Variants in RHEB observed in about 807,000 individuals in gnomAD.
The protein encoded by RHEB is Ras homolog, mTORC1 binding.
A neutral mutation model predicts 28.8 loss-of-function variants in RHEB; 2 were observed. That is an observed-to-expected ratio of 0.07 (90% CI 0.03 to 0.22). RHEB has a LOEUF of 0.22. Among genes scored for constraint, RHEB ranks in the 10% least tolerant of loss-of-function variants. RHEB has a pLI of 1.00. For synonymous variants in RHEB, 69 were observed against 77.3 expected (o/e 0.89, Z 0.56); for missense variants, 76 against 219.9 (o/e 0.35, Z 4.14).
chr7:151,511,103 T>A (rs1277693095), intron 1 of RHEB, among the ~76,000 whole-genome samples: 5 of 150,344 alleles, frequency 3.3e-5, no homozygotes, highest in Non-Finnish European at 7.4e-5. Context: ...AAAAAAAAAA[T>A]AAAGCTAGCA....
chr7:151,491,119 T>TG (rs2150929368), intron 1 of RHEB, 105 bp from the exon 2 acceptor site: 1 of 699,448 alleles, frequency 1.4e-6, no homozygotes, highest in East Asian at 2.7e-5. Context: ...ACACTGAAGG[T>TG]ATCAGGGTCA....
rs1260614154 is a variant in RHEB, at chr7:151,484,905, G to A, written c.125-101C>T. The A allele has an allele frequency of 9.8e-6, 7 of 717,730 alleles. No homozygotes were observed. In the East Asian group the frequency reaches 1.9e-4, roughly 20 times the overall value. The allele number at this position is 717,730 out of a possible 1,614,324, so 44.5% of individuals were successfully genotyped here. ...CCAATCAAGCACAGAGTCCCTAGCA[G>A]TCTCAGAGAAAGGCCCCATGAAACA... is the stretch of plus-strand genomic sequence containing the variant. On this transcript the variant is annotated intron_variant, in intron 2 of 7. Coordinates refer to ENST00000262187, the MANE Select transcript of RHEB (RefSeq NM_005614.4).
At chr7:151,473,220 T>G (rs1468743786) in intron 4 of RHEB, among the ~76,000 whole-genome samples, 1 of 152,174 alleles carries the variant, frequency 6.6e-6, no homozygotes, top group South Asian at 2.1e-4. Context: ...GGCTCTCTTG[T>G]GCACCTGCCC....
intron 3 of RHEB, among the ~76,000 whole-genome samples, chr7:151,483,534 T>A (rs1802414518): frequency 6.6e-6 from 1 of 152,054 alleles, no homozygotes; most frequent in African/African-American, 2.4e-5. Context: ...GCCAGGCCAA[T>A]ATGGCGAAAC....
Position 151,477,423 on chromosome 7 carries a change from G to A in RHEB, c.193-8C>T, listed in dbSNP as rs780659298. The A allele has an allele frequency of 3.3e-5, 50 of 1,507,712 alleles. No individual in the cohort carries two copies. Among genetic ancestry groups the A allele is most frequent in the Non-Finnish European group, 4.0e-5 (44 of 1,105,156 alleles). 93.4% of individuals were successfully genotyped at this position (1,507,712 alleles called of 1,614,324 possible). ...AAAGATAGAATATTCATCCTGTGGG[G>A]AAAAAAAATTATCTTTGAGTAGTCT... On this transcript the variant is annotated splice_polypyrimidine_tract_variant and splice_region_variant and intron_variant, in intron 3 of 7. Transcript: ENST00000262187.
At chr7:151,514,277 G>A (rs937551717) in intron 1 of RHEB, among the ~76,000 whole-genome samples, 2 of 152,112 alleles carry the variant, frequency 1.3e-5, no homozygotes, top group Non-Finnish European at 2.9e-5. Flanking sequence ...ATATCTAGAA[G>A]AAAATATAGT....
Position 151,471,614 on chromosome 7 carries a change from CA to C in RHEB, c.276-10del. On this transcript the variant is annotated splice_polypyrimidine_tract_variant and intron_variant, in intron 4 of 7. Transcript: ENST00000262187. ...CTTTAATCACTTCAAAACTATAAAA[CA>C]AAAAGTATAAATTAGACATCCATTT... 1 of 1,558,960 alleles carries C rather than the reference CA, an allele frequency of 6.4e-7. No homozygotes were observed. The highest frequency in any genetic ancestry group is 1.2e-5 in the South Asian group (1 of 85,410).
At chr7:151,504,791 G>A (rs560892353) in intron 1 of RHEB, among the ~76,000 whole-genome samples, 1 of 151,962 alleles carries the variant, frequency 6.6e-6, no homozygotes, top group Non-Finnish European at 1.5e-5. Flanking sequence ...GCGCTTTTTG[G>A]GTTGATGGAT....
intron 1 of RHEB, among the ~76,000 whole-genome samples, chr7:151,494,759 C>T (rs1802646006): frequency 6.6e-6 from 1 of 152,134 alleles, no homozygotes; most frequent in Non-Finnish European, 1.5e-5. Context: ...TCTCTCCTCC[C>T]TGGGGCTCTC....
rs1370429431 is a variant in RHEB, at chr7:151,512,311, G to T, written c.52+7149C>A. Among the ~76,000 whole-genome samples, 3 of 152,160 alleles carry T rather than the reference G, an allele frequency of 2.0e-5. No homozygotes were observed. The East Asian group carries it at 5.8e-4, about 29-fold the overall frequency. On this transcript the variant is annotated intron_variant, in intron 1 of 7. Transcript: ENST00000262187. ...TGACCTTCCACAATCACAGGTAGAG[G>T]TGGCAGTGTCTCATTCTGTGATAAA...
In RHEB at chr7:151,517,528, T is replaced by G. The variant is rs1319435428; in HGVS notation, c.52+1932A>C. Among the ~76,000 whole-genome samples, 4 of 152,028 alleles carry G rather than the reference T, an allele frequency of 2.6e-5. No individual in the cohort carries two copies. In the East Asian group the frequency reaches 5.8e-4, roughly 22 times the overall value. ...AGAAAATAGGGACTAAAAGTGACCC[T>G]GTATCCCACCGGAGACTAAGTTAGC... is the stretch of plus-strand genomic sequence containing the variant. On this transcript the variant is annotated intron_variant, in intron 1 of 7. Transcript: ENST00000262187.
chr7:151,491,749 A>C (rs1395674916), intron 1 of RHEB, among the ~76,000 whole-genome samples: 2 of 146,938 alleles, frequency 1.4e-5, no homozygotes, highest in African/African-American at 5.0e-5. Flanking sequence ...AAAAAAAAAA[A>C]GGGTAATCTG....
chr7:151,500,925 A>AG (rs1802762127), intron 1 of RHEB, among the ~76,000 whole-genome samples: 1 of 152,166 alleles, frequency 6.6e-6, no homozygotes, highest in African/African-American at 2.4e-5. Flanking sequence ...TTGAGGCTGC[A>AG]GCAAGCTGTG....
At chr7:151,517,424 A>C (rs941670491) in intron 1 of RHEB, among the ~76,000 whole-genome samples, 2 of 152,058 alleles carry the variant, frequency 1.3e-5, no homozygotes, top group African/African-American at 4.8e-5. Context: ...TAACCTCTCC[A>C]AAATCGTTTA....
intron 1 of RHEB, among the ~76,000 whole-genome samples, chr7:151,499,092 C>T (rs1369309166): frequency 6.6e-6 from 1 of 152,222 alleles, no homozygotes; most frequent in Non-Finnish European, 1.5e-5. Flanking sequence ...ATAGGCCAGA[C>T]ACAGTGGCTT....
At chr7:151,483,622 A>G (rs1802416809) in intron 3 of RHEB, among the ~76,000 whole-genome samples, 1 of 152,182 alleles carries the variant, frequency 6.6e-6, no homozygotes, top group Non-Finnish European at 1.5e-5. Flanking sequence ...AGGCTGTGCC[A>G]GGAGAATTGC....
chr7:151,488,852 A>G (rs752496325), intron 2 of RHEB, among the ~76,000 whole-genome samples: 2 of 152,250 alleles, frequency 1.3e-5, no homozygotes, highest in South Asian at 2.1e-4. Context: ...ATCAAGTTAC[A>G]TAAGTTGGAC....
At chr7:151,485,489 A>G (rs1324520933) in intron 2 of RHEB, among the ~76,000 whole-genome samples, 1 of 152,234 alleles carries the variant, frequency 6.6e-6, no homozygotes, top group Non-Finnish European at 1.5e-5. Flanking sequence ...TAACAGAAAC[A>G]ATGTAAAAAT....
chr7:151,492,183 C>G (rs1802595089), intron 1 of RHEB, among the ~76,000 whole-genome samples: 1 of 152,186 alleles, frequency 6.6e-6, no homozygotes, highest in South Asian at 2.1e-4. Context: ...GAAGGAGAGG[C>G]ATGGTAACAC....
Sources: gnomAD v4.1 joint callset for allele counts (sites outside exome capture counted in the v4.1 genomes callset) on GRCh38, gnomAD v4.1.1 for gene constraint, MANE v1.5 for transcripts, NCBI Gene and HGNC (gene_info 2026-07-23, HGNC 2026-07-21) for gene names.